PPP1R13B: variants seen among roughly 807,000 people sequenced by gnomAD.
The protein encoded by PPP1R13B is protein phosphatase 1 regulatory subunit 13B.
Under a neutral mutation model 119.8 loss-of-function variants are expected in PPP1R13B, and 44 were observed. That is an observed-to-expected ratio of 0.37 (90% CI 0.29 to 0.47). The LOEUF (loss-of-function observed/expected upper bound fraction) is 0.47. PPP1R13B is among the 20% of genes least tolerant of loss of function. The probability of loss-of-function intolerance (pLI) is 0.99; values close to 1 mark genes in which losing one functional copy is unlikely to be tolerated. For missense variants in PPP1R13B, 1,227 were observed against 1,413.5 expected (o/e 0.87, Z 2.12); for synonymous variants, 542 against 561.5 (o/e 0.97, Z 0.49).
intron 1 of PPP1R13B, among the ~76,000 whole-genome samples, chr14:103,799,592 C>T (rs1265357173): frequency 2.0e-5 from 3 of 150,508 alleles, no homozygotes; most frequent in Admixed American, 1.3e-4. Flanking sequence ...GGATTATAGG[C>T]GTGAGCCACT....
chr14:103,814,192 T>C (rs1210043188), intron 1 of PPP1R13B, among the ~76,000 whole-genome samples: 1 of 151,934 alleles, frequency 6.6e-6, no homozygotes, highest in African/African-American at 2.4e-5. Context: ...CTACTAAAAA[T>C]ACAAATATTA....
Position 103,734,948 on chromosome 14 carries a change from G to C in PPP1R13B, c.*206C>G. ...AGTAATTGGCAAAATTCAGTCCTTG[G>C]AGGCGAAAGTACCTCTCCCAGTTAA... On this transcript the variant is annotated 3_prime_UTR_variant, in exon 17 of 17. Transcript: ENST00000202556. 1.4e-6 allele frequency: 1 copy of C among 699,780 alleles called. No individual in the cohort carries two copies. Among genetic ancestry groups the C allele is most frequent in the Non-Finnish European group, 2.6e-6 (1 of 385,240 alleles). The allele number at this position is 699,780 out of a possible 1,614,324, so 43.3% of individuals were successfully genotyped here.
At chr14:103,843,736 C>T in intron 1 of PPP1R13B, among the ~76,000 whole-genome samples, 1 of 152,110 alleles carries the variant, frequency 6.6e-6, no homozygotes, top group East Asian at 1.9e-4. Flanking sequence ...AGGCAGATCA[C>T]AAGGTCAAGA....
At chr14:103,836,624 G>A (rs1169801949) in intron 1 of PPP1R13B, among the ~76,000 whole-genome samples, 1 of 151,844 alleles carries the variant, frequency 6.6e-6, no homozygotes, top group Non-Finnish European at 1.5e-5. Context: ...AAAAAAATTA[G>A]CTGGGCGTGG....
chr14:103,839,838 TATG>T (rs1337131810), intron 1 of PPP1R13B, among the ~76,000 whole-genome samples: 1 of 152,204 alleles, frequency 6.6e-6, no homozygotes, highest in Non-Finnish European at 1.5e-5. Context: ...TTTCTTGAGC[TATG>T]ATAATTACAA....
rs2084169033 is a variant in PPP1R13B, at chr14:103,738,502, A to G, written c.2864+177T>C. 1.0e-6 allele frequency: 1 copy of G among 959,488 alleles called. No individual in the cohort carries two copies. The highest frequency in any genetic ancestry group is 1.5e-6 in the Non-Finnish European group (1 of 656,772). The allele number at this position is 959,488 out of a possible 1,614,324, so 59.4% of individuals were successfully genotyped here. ...GTTTTTAACAAAATCATCAAGAGAAAAGGCTGGAAAAAAAGGCAAGGAAAC... is the reference window on the plus strand; with the variant it reads ...GTTTTTAACAAAATCATCAAGAGAAGAGGCTGGAAAAAAAGGCAAGGAAAC... On this transcript the variant is annotated intron_variant, in intron 14 of 16. Coordinates refer to ENST00000202556, the MANE Select transcript of PPP1R13B (RefSeq NM_015316.3). The surrounding 1 kb of genome is among the most constrained non-coding windows in gnomAD (Gnocchi z 5.6).
chr14:103,805,043 G>C (rs2085984722), intron 1 of PPP1R13B, among the ~76,000 whole-genome samples: 1 of 152,008 alleles, frequency 6.6e-6, no homozygotes, highest in South Asian at 2.1e-4. Context: ...CACCATATTG[G>C]CCAGGCTGGT....
chr14:103,779,459 CAATTAAAAAT>C (rs1222907450), intron 3 of PPP1R13B, among the ~76,000 whole-genome samples: 1 of 151,808 alleles, frequency 6.6e-6, no homozygotes, highest in African/African-American at 2.4e-5. Context: ...TATTTTATCT[CAATTAAAAAT>C]AAAAATTTGG....
At chr14:103,808,519 G>A (rs1458661373) in intron 1 of PPP1R13B, among the ~76,000 whole-genome samples, 1 of 152,218 alleles carries the variant, frequency 6.6e-6, no homozygotes, top group African/African-American at 2.4e-5. Flanking sequence ...GTGTTGGGCT[G>A]CATTCAAAGC....
chr14:103,751,442 T>C (rs970838116), intron 7 of PPP1R13B, among the ~76,000 whole-genome samples: 1 of 152,224 alleles, frequency 6.6e-6, no homozygotes, highest in Non-Finnish European at 1.5e-5. Flanking sequence ...TAGCAAGTGC[T>C]AATAAAGCAG....
In PPP1R13B at chr14:103,784,775, G is replaced by A. The variant is rs759516580; in HGVS notation, c.277+20C>T. 1 of 1,548,232 alleles carries A rather than the reference G, an allele frequency of 6.5e-7. No homozygotes were observed. The highest frequency in any genetic ancestry group is 1.2e-5 in the South Asian group (1 of 82,698). On this transcript the variant is annotated intron_variant, in intron 3 of 16. Coordinates refer to ENST00000202556, the MANE Select transcript of PPP1R13B (RefSeq NM_015316.3). ...TTTCCTAGCAAAAATTAACAAATGA[G>A]GAAGAAAGCAGTTATCTACCTTGTT... is the stretch of plus-strand genomic sequence containing the variant.
Position 103,742,903 on chromosome 14 carries a change from A to G in PPP1R13B, c.1151-80T>C, listed in dbSNP as rs1355536650. The G allele has an allele frequency of 6.7e-7, 1 of 1,501,016 alleles. No homozygotes were observed. Among genetic ancestry groups the G allele is most frequent in the Non-Finnish European group, 9.1e-7 (1 of 1,096,736 alleles). The allele number at this position is 1,501,016 out of a possible 1,614,324, so 93.0% of individuals were successfully genotyped here. On this transcript the variant is annotated intron_variant, in intron 9 of 16. Transcript: ENST00000202556. The surrounding 1 kb of genome is among the most constrained non-coding windows in gnomAD (Gnocchi z 4.9). ...CTAAGAATAACACTCTGCCAGAAAC[A>G]AAAACAGCACTGGGACATCCCATTC... is the stretch of plus-strand genomic sequence containing the variant.
At chr14:103,762,611 AG>A (rs2084835337) in intron 4 of PPP1R13B, among the ~76,000 whole-genome samples, 3 of 150,658 alleles carry the variant, frequency 2.0e-5, no homozygotes, top group Admixed American at 2.0e-4. Context: ...AAAAAAAAAA[AG>A]AATGTCACCA....
Position 103,837,054 on chromosome 14 carries a change from A to G in PPP1R13B, c.9+10245T>C, listed in dbSNP as rs114680137. ...AAAGCAGGACACAAGAAATCAACAC[A>G]GACAGAAATTACACCTCTACAAAAA... On this transcript the variant is annotated intron_variant, in intron 1 of 16. Transcript: ENST00000202556. 2.3e-3 allele frequency among the ~76,000 whole-genome samples: 349 copies of G among 152,376 alleles called. 1 individual carries two copies. The highest frequency in any genetic ancestry group is 8.0e-3 in the African/African-American group (334 of 41,582).
At chr14:103,787,647 T>C (rs1411272937) in intron 2 of PPP1R13B, among the ~76,000 whole-genome samples, 3 of 142,778 alleles carry the variant, frequency 2.1e-5, no homozygotes, top group Non-Finnish European at 4.5e-5. Context: ...ACTTAATTGC[T>C]ACATTTTTTT....
chr14:103,825,464 AAATT>A (rs2086516314), intron 1 of PPP1R13B, among the ~76,000 whole-genome samples: 1 of 152,242 alleles, frequency 6.6e-6, no homozygotes, highest in South Asian at 2.1e-4. Context: ...TTCCTAAAAT[AAATT>A]AAAAGTGCTA....
At chr14:103,841,358 C>A (rs556354809) in intron 1 of PPP1R13B, among the ~76,000 whole-genome samples, 1 of 151,800 alleles carries the variant, frequency 6.6e-6, no homozygotes, top group East Asian at 1.9e-4. Flanking sequence ...GAGGCCGAGG[C>A]GGGCAGATCA....
chr14:103,801,582 A>G lies in PPP1R13B; in HGVS notation c.10-4064T>C, dbSNP rs1433891177. 2.0e-5 allele frequency among the ~76,000 whole-genome samples: 3 copies of G among 152,156 alleles called. No homozygotes were observed. In the East Asian group the frequency reaches 5.8e-4, roughly 29 times the overall value. On this transcript the variant is annotated intron_variant, in intron 1 of 16. Coordinates refer to ENST00000202556, the MANE Select transcript of PPP1R13B (RefSeq NM_015316.3). The stretch of plus-strand genomic sequence containing the variant: ...CGCCTCCGCTCACCAGGGAGGCCAC[A>G]TGCTCCTTCCTTTACGATCCAGTGG...
intron 1 of PPP1R13B, among the ~76,000 whole-genome samples, chr14:103,815,086 C>T (rs547527588): frequency 6.6e-6 from 1 of 152,300 alleles, no homozygotes; most frequent in East Asian, 1.9e-4. Flanking sequence ...TACCCATACA[C>T]TGGAATATTA....
Sources: allele counts gnomAD v4.1 joint callset (sites outside exome capture counted in the v4.1 genomes callset), GRCh38; gene constraint gnomAD v4.1.1; non-coding constraint Gnocchi (gnomAD v3.1); transcripts MANE v1.5; gene names NCBI Gene and HGNC (gene_info 2026-07-23, HGNC 2026-07-21).